Variants in HSF5 observed in about 807,000 individuals in gnomAD.
The protein encoded by HSF5 is heat shock factor protein 5.
Under a neutral mutation model 50.8 loss-of-function variants are expected in HSF5, and 5 were observed. The ratio of observed to expected loss-of-function variants is 0.10; its 90% confidence interval spans 0.05 to 0.21. The LOEUF (loss-of-function observed/expected upper bound fraction) is 0.21. HSF5 is among the 10% of genes least tolerant of loss of function. The pLI, the probability that HSF5 is intolerant of heterozygous loss-of-function variation, is 1.00. For synonymous variants in HSF5, 307 were observed against 307.4 expected (o/e 1.00, Z 0.02); for missense variants, 564 against 762.6 (o/e 0.74, Z 3.07).
At chr17:58,429,354 T>A (rs1974335387) in intron 5 of HSF5, among the ~76,000 whole-genome samples, 1 of 152,132 alleles carries the variant, frequency 6.6e-6, no homozygotes, top group Non-Finnish European at 1.5e-5. Context: ...ATGAATGTAC[T>A]ATATGCCACT....
chr17:58,487,852 G>A lies in HSF5; in HGVS notation c.423C>T (p.Gly141=). 2 of 1,594,996 alleles carry A rather than the reference G, an allele frequency of 1.3e-6. No individual in the cohort carries two copies. Among genetic ancestry groups the A allele is most frequent in the African/African-American group, 1.4e-5 (1 of 73,882 alleles). The change falls in exon 1 of 6, where the codon GGC becomes GGT. Residue 141 remains glycine, a synonymous_variant. Transcript: ENST00000323777. ...TGGGCGGGCGGCAGGGCACCTCCAGGCCGGCCGCCAGCTTGGCCTTGTTGG... is the reference window on the plus strand; with the variant it reads ...TGGGCGGGCGGCAGGGCACCTCCAGACCGGCCGCCAGCTTGGCCTTGTTGG... ...TSANKAKLAA[G]LEVPCRPPNR... is the part of the protein sequence containing the mutation.
chr17:58,456,034 G>A (rs188331260), intron 5 of HSF5, among the ~76,000 whole-genome samples: 77 of 152,014 alleles, frequency 5.1e-4, no homozygotes, highest in South Asian at 3.3e-3. Context: ...CTCCACACCC[G>A]TGTTTACCAC....
In HSF5 at chr17:58,488,283, C is replaced by G. The variant is rs568342877; in HGVS notation, c.-9G>C. The G allele has an allele frequency of 3.4e-6, 5 of 1,461,926 alleles. No homozygotes were observed. In the African/African-American group the frequency reaches 7.4e-5, roughly 22 times the overall value. 90.6% of individuals were successfully genotyped at this position (1,461,926 alleles called of 1,614,324 possible). ...GAGAGCAGCGCCTCCATCGCCCCGC[C>G]GGGCCGGGGCCTCGCCCCCCGAGCC... On this transcript the variant is annotated 5_prime_UTR_variant, in exon 1 of 6. Coordinates refer to ENST00000323777, the MANE Select transcript of HSF5 (RefSeq NM_001080439.3). This position sits in a 1 kb window ranked among gnomAD's most constrained non-coding sequence, Gnocchi z 4.1.
intron 1 of HSF5, among the ~76,000 whole-genome samples, chr17:58,485,180 C>T (rs1426020781): frequency 6.6e-6 from 1 of 152,012 alleles, no homozygotes; most frequent in African/African-American, 2.4e-5. Flanking sequence ...GTCTCGATCT[C>T]TTGACCTTGT....
In HSF5 at chr17:58,439,516, C is replaced by T. The variant is rs539900830; in HGVS notation, c.1721-17086G>A. ...TTTTTTTTTTTGAGACGGAGTTTTG[C>T]TCTTGTTGCCCAGGCTAAAGTGCAA... is the stretch of plus-strand genomic sequence containing the variant. On this transcript the variant is annotated intron_variant, in intron 5 of 5. Coordinates refer to ENST00000323777, the MANE Select transcript of HSF5 (RefSeq NM_001080439.3). Among the ~76,000 whole-genome samples the T allele has an allele frequency of 1.6e-3, 243 of 151,470 alleles. 1 individual carries two copies. The highest frequency in any genetic ancestry group is 5.7e-3 in the African/African-American group (234 of 41,326).
chr17:58,433,934 A>C (rs1598181512), intron 5 of HSF5, among the ~76,000 whole-genome samples: 1 of 23,134 alleles, frequency 4.3e-5, no homozygotes, highest in African/African-American at 2.6e-4. Flanking sequence ...TTTTTTTTAG[A>C]TGGAGCTTCA....
rs1975079326 is a variant in HSF5, at chr17:58,480,270, A to G, written c.551-3T>C. ...AAATTGTCCTACAGCCACTGGTCCT[A>G]CATAAAAGAGGAAGAGCACATTTAC... On this transcript the variant is annotated splice_polypyrimidine_tract_variant and splice_region_variant and intron_variant, in intron 1 of 5. Transcript: ENST00000323777. The G allele has an allele frequency of 6.3e-7, 1 of 1,592,634 alleles. No homozygotes were observed. Among genetic ancestry groups the G allele is most frequent in the South Asian group, 1.1e-5 (1 of 88,130 alleles).
chr17:58,471,864 A>C (rs776264493), intron 2 of HSF5, among the ~76,000 whole-genome samples: 1 of 151,942 alleles, frequency 6.6e-6, no homozygotes, highest in African/African-American at 2.4e-5. Flanking sequence ...AGGCTTATTT[A>C]CTTTTTTGAG....
chr17:58,452,321 G>C (rs1974652396), intron 5 of HSF5, among the ~76,000 whole-genome samples: 1 of 152,054 alleles, frequency 6.6e-6, no homozygotes, highest in African/African-American at 2.4e-5. Flanking sequence ...AGTTGAAAAA[G>C]GAGTCATCAC....
At chr17:58,487,601 G>C (rs906850725) in intron 1 of HSF5, 124 bp downstream of exon 1, 1 of 1,284,202 alleles carries the variant, frequency 7.8e-7, no homozygotes, top group Non-Finnish European at 9.8e-7. Flanking sequence ...AGCGGCCAAT[G>C]GGTCCCCGGC....
At chr17:58,425,558 T>C (rs1047446196) in intron 5 of HSF5, among the ~76,000 whole-genome samples, 7 of 87,956 alleles carry the variant, frequency 8.0e-5, no homozygotes, top group South Asian at 6.8e-4. Context: ...CTGGGCAACA[T>C]AGTAAGACCT....
At chr17:58,475,001 T>A (rs187731110) in intron 2 of HSF5, among the ~76,000 whole-genome samples, 67 of 152,304 alleles carry the variant, frequency 4.4e-4, no homozygotes, top group South Asian at 1.2e-3. Flanking sequence ...AATTTTTTTT[T>A]AATTTCTAAT....
intron 5 of HSF5, among the ~76,000 whole-genome samples, 193 bp downstream of exon 5, chr17:58,458,575 A>G (rs748741826): frequency 2.6e-5 from 4 of 152,250 alleles, no homozygotes; most frequent in Non-Finnish European, 5.9e-5. Context: ...ATATTAAGAA[A>G]ATAACTATTA....
intron 2 of HSF5, among the ~76,000 whole-genome samples, chr17:58,475,210 T>C (rs2143798793): frequency 6.6e-6 from 1 of 152,296 alleles, no homozygotes; most frequent in South Asian, 2.1e-4. Context: ...GAGCCAACGA[T>C]ACAAGTATAT....
At chr17:58,437,060 C>A (rs1974437043) in intron 5 of HSF5, among the ~76,000 whole-genome samples, 1 of 152,108 alleles carries the variant, frequency 6.6e-6, no homozygotes, top group East Asian at 1.9e-4. Context: ...ACATGCCTAG[C>A]ATAATGCTTA....
At chr17:58,446,104 T>TC (rs1974557958) in intron 5 of HSF5, among the ~76,000 whole-genome samples, 1 of 133,236 alleles carries the variant, frequency 7.5e-6, no homozygotes, top group Non-Finnish European at 1.5e-5. Context: ...GCCACTGCAC[T>TC]CCAGCCTGGG....
chr17:58,485,671 C>T (rs1316188274), intron 1 of HSF5, among the ~76,000 whole-genome samples: 2 of 148,360 alleles, frequency 1.3e-5, no homozygotes, highest in Admixed American at 6.8e-5. Context: ...CCCTTGAGCC[C>T]GGGAGGTGGA....
intron 2 of HSF5, among the ~76,000 whole-genome samples, chr17:58,471,726 C>G (rs1321581398): frequency 6.6e-6 from 1 of 151,438 alleles, no homozygotes; most frequent in Non-Finnish European, 1.5e-5. Context: ...TGCTGGGCTA[C>G]AGGCATGAGC....
At chr17:58,484,307 T>G (rs1469931445) in intron 1 of HSF5, among the ~76,000 whole-genome samples, 1 of 152,196 alleles carries the variant, frequency 6.6e-6, no homozygotes, top group African/African-American at 2.4e-5. Context: ...ATTTATGTTT[T>G]TCAACAAACA....
Sources: gnomAD v4.1 joint callset for allele counts (sites outside exome capture counted in the v4.1 genomes callset) on GRCh38, gnomAD v4.1.1 for gene constraint, Gnocchi (gnomAD v3.1) non-coding constraint, MANE v1.5 for transcripts, NCBI Gene and HGNC (gene_info 2026-07-23, HGNC 2026-07-21) for gene names.